The following COL9A2 variants were observed in gnomAD, a reference collection of about 807,000 sequenced individuals.
COL9A2 encodes collagen type IX alpha 2 chain, also known as collagen alpha-2(IX) chain.
COL9A2 carries 66 observed loss-of-function variants against 111.6 expected under a neutral mutation model. The ratio of observed to expected loss-of-function variants is 0.59; its 90% CI spans 0.48 to 0.73. COL9A2 has a LOEUF of 0.73. Among genes scored for constraint, COL9A2 ranks in the 30% least tolerant of loss-of-function variants. The pLI, the probability that COL9A2 is intolerant of heterozygous loss-of-function variation, is 0.00. For missense variants in COL9A2, 881 were observed against 954.1 expected, an observed-to-expected ratio of 0.92 and a Z score of 1.01; for synonymous variants, 353 against 364.1, an observed-to-expected ratio of 0.97 and a Z score of 0.35.
chr1:40,312,150 G>C lies in COL9A2; in HGVS notation c.364-38C>G. On this transcript the variant is annotated intron_variant, in intron 7 of 31. Transcript: ENST00000372748. This position sits in a 1 kb window ranked among gnomAD's most constrained non-coding sequence, Gnocchi z 6.0. Reference sequence around the variant, plus strand: ...GAGTTGATGGTCAGGATGCCTCAGAGGGTCAGATACCCTGGGCACAAAGGT... The same window carrying C: ...GAGTTGATGGTCAGGATGCCTCAGACGGTCAGATACCCTGGGCACAAAGGT... The C allele has an allele frequency of 6.4e-7, 1 of 1,556,954 alleles. No individual in the cohort carries two copies. The highest frequency in any genetic ancestry group is 8.8e-7 in the Non-Finnish European group (1 of 1,140,308).
Position 40,302,804 on chromosome 1 carries a change from G to T in COL9A2, c.1609C>A (p.Leu537Met). 2 of 815,582 alleles carry T rather than the reference G, an allele frequency of 2.5e-6. No homozygotes were observed. The highest frequency in any genetic ancestry group is 3.7e-6 in the Non-Finnish European group (2 of 542,448). 50.5% of individuals were successfully genotyped at this position (815,582 alleles called of 1,614,324 possible). The change falls in exon 30 of 32, where the codon CTG becomes ATG. Residue 537 changes from leucine (L) to methionine (M), a missense_variant. Transcript: ENST00000372748. The surrounding 1 kb of genome is among the most constrained non-coding windows in gnomAD (Gnocchi z 4.5). ...TTGGCACTCACGGCGACCTCTGCCAGTTGCTCTGGAGGGAGGGAGGGAGGG... is the reference window on the plus strand; with the variant it reads ...TTGGCACTCACGGCGACCTCTGCCATTTGCTCTGGAGGGAGGGAGGGAGGG... ...DVALKMLQEQ[L>M]AEVAVSAKRE... is the part of the protein sequence containing the mutation.
chr1:40,310,834 G>GA lies in COL9A2; in HGVS notation c.631-68dup. The GA allele has an allele frequency of 7.5e-7, 1 of 1,333,230 alleles. No individual in the cohort carries two copies. Among genetic ancestry groups the GA allele is most frequent in the Non-Finnish European group, 1.1e-6 (1 of 949,034 alleles). 82.6% of individuals were successfully genotyped at this position (1,333,230 alleles called of 1,614,324 possible). On this transcript the variant is annotated intron_variant, in intron 12 of 31. Coordinates refer to ENST00000372748, the MANE Select transcript of COL9A2 (RefSeq NM_001852.4). This position sits in a 1 kb window ranked among gnomAD's most constrained non-coding sequence, Gnocchi z 4.9. ...AAAGACACATATACAGACAAGCAAA[G>GA]ATACCACCTCTTTTCCCCAGCACAA...
In COL9A2 at chr1:40,307,454, C is replaced by T; in HGVS notation, c.1000G>A (p.Gly334Ser). Reference protein sequence around the residue: ...AGQPGSPGHQGLAGVPGQPGT... With the variant: ...AGQPGSPGHQSLAGVPGQPGT... ...CTCCACCTGACACTTACCGCTAGGC[C>T]CTGGTGGCCTGGACTTCCGGGCTGT... The change falls in exon 19 of 32, where the codon GGC (glycine) becomes AGC (serine). Residue 334 changes from glycine (G) to serine (S), a missense_variant. Physicochemically the swap from Gly to Ser is moderately conservative, Grantham distance 56 (BLOSUM62 0). Coordinates refer to ENST00000372748, the MANE Select transcript of COL9A2 (RefSeq NM_001852.4). This position sits in a 1 kb window ranked among gnomAD's most constrained non-coding sequence, Gnocchi z 4.8. 1.2e-6 allele frequency: 2 copies of T among 1,614,054 alleles called. No homozygotes were observed. The highest frequency in any genetic ancestry group is 1.3e-5 in the African/African-American group (1 of 75,056).
Position 40,301,349 on chromosome 1 carries a change from C to G in COL9A2, c.1903G>C (p.Gly635Arg), listed in dbSNP as rs768840439. 3 of 1,608,962 alleles carry G rather than the reference C, an allele frequency of 1.9e-6. No homozygotes were observed. The highest frequency in any genetic ancestry group is 3.4e-5 in the Admixed American group (2 of 59,466). The change falls in exon 32 of 32, where the codon GGC becomes CGC. Residue 635 changes from glycine to arginine, a missense_variant. By Grantham distance (125) the Gly-to-Arg change is moderately radical (BLOSUM62 -2). Transcript: ENST00000372748. Reference protein sequence around the residue: ...LPGRPGQAINGKDGDRGSPGA... With the variant: ...LPGRPGQAINRKDGDRGSPGA... ...GGGGACCCTCGATCTCCATCCTTGCCGTTGATTGCCTGGCCAGGCCGGCCA... is the reference window on the plus strand; with the variant it reads ...GGGGACCCTCGATCTCCATCCTTGCGGTTGATTGCCTGGCCAGGCCGGCCA...
Position 40,310,880 on chromosome 1 carries a change from C to T in COL9A2, c.631-113G>A, listed in dbSNP as rs969725720. 5.6e-6 allele frequency: 6 copies of T among 1,065,454 alleles called. No individual in the cohort carries two copies. The highest frequency in any genetic ancestry group is 2.6e-5 in the East Asian group (1 of 38,788). The allele number at this position is 1,065,454 out of a possible 1,614,324, so 66.0% of individuals were successfully genotyped here. The stretch of plus-strand genomic sequence containing the variant: ...CACAAGCAGACGGGAGGGACTACTA[C>T]GAACCCTACAGTCCTGTGTTACAGA... On this transcript the variant is annotated intron_variant, in intron 12 of 31. Coordinates refer to ENST00000372748, the MANE Select transcript of COL9A2 (RefSeq NM_001852.4). This position sits in a 1 kb window ranked among gnomAD's most constrained non-coding sequence, Gnocchi z 4.9.
Position 40,301,116 on chromosome 1 carries a change from G to A in COL9A2, c.*66C>T. The A allele has an allele frequency of 2.6e-6, 4 of 1,532,454 alleles. No individual in the cohort carries two copies. Among genetic ancestry groups the A allele is most frequent in the Non-Finnish European group, 3.6e-6 (4 of 1,109,788 alleles). 94.9% of individuals were successfully genotyped at this position (1,532,454 alleles called of 1,614,324 possible). A position where few individuals can be genotyped will look rare whatever the true frequency, so the allele number is the denominator to read the frequency against. On this transcript the variant is annotated 3_prime_UTR_variant, in exon 32 of 32. Coordinates refer to ENST00000372748, the MANE Select transcript of COL9A2 (RefSeq NM_001852.4). ...TTTCCTGGACTGGGGATGGGTGCAT[G>A]TCCACCCAGAGGGGACCTGGTCCTT...
Position 40,317,169 on chromosome 1 carries a change from C to A in COL9A2, c.29G>T (p.Ser10Ile), listed in dbSNP as rs1172699869. The change falls in exon 1 of 32, where the codon AGC becomes ATC. Residue 10 changes from serine to isoleucine, a missense_variant. Coordinates refer to ENST00000372748, the MANE Select transcript of COL9A2 (RefSeq NM_001852.4). This position sits in a 1 kb window ranked among gnomAD's most constrained non-coding sequence, Gnocchi z 4.3. The part of the protein sequence containing the change: MAAATASPR[S>I]LLVLLQVVVL... Reference sequence around the variant, plus strand: ...TACCACCTGGAGGAGAACAAGGAGGCTGCGGGGGGAGGCCGTAGCGGCGGC... The same window carrying A: ...TACCACCTGGAGGAGAACAAGGAGGATGCGGGGGGAGGCCGTAGCGGCGGC... 2 of 1,589,310 alleles carry A rather than the reference C, an allele frequency of 1.3e-6. No individual in the cohort carries two copies. The highest frequency in any genetic ancestry group is 1.7e-6 in the Non-Finnish European group (2 of 1,168,194).
At chr1:40,306,060 A>T in intron 20 of COL9A2, 83 bp downstream of exon 20, 1 of 1,526,094 alleles carries the variant, frequency 6.6e-7, no homozygotes, top group African/African-American at 1.4e-5. Flanking sequence ...AGCCTCTGAG[A>T]CTTGGCTGAG....
rs150075912 is a variant in COL9A2, at chr1:40,307,447, G to T, written c.1007C>A (p.Ala336Glu). Residue 336 changes from alanine (A) to glutamate (E), a missense_variant and splice_region_variant, in exon 19 of 32, where the codon GCG (alanine) becomes GAG (glutamate). By Grantham distance (107) the Ala-to-Glu change is moderately radical. Transcript: ENST00000372748. The surrounding 1 kb of genome is among the most constrained non-coding windows in gnomAD (Gnocchi z 4.8). Reference sequence around the variant, plus strand: ...CCTGTGGCTCCACCTGACACTTACCGCTAGGCCCTGGTGGCCTGGACTTCC... The same window carrying T: ...CCTGTGGCTCCACCTGACACTTACCTCTAGGCCCTGGTGGCCTGGACTTCC... ...QPGSPGHQGL[A>E]GVPGQPGTKG... is the part of the protein sequence containing the mutation. The T allele has an allele frequency of 4.4e-4, 715 of 1,613,872 alleles. 5 individuals carry two copies. In the African/African-American group the frequency reaches 8.1e-3, roughly 18 times the overall value.
chr1:40,311,397 C>T lies in COL9A2; in HGVS notation c.519+103G>A, dbSNP rs974743362. On this transcript the variant is annotated intron_variant, in intron 10 of 31. Transcript: ENST00000372748. This position sits in a 1 kb window ranked among gnomAD's most constrained non-coding sequence, Gnocchi z 5.1. ...ACCTGGTGGAACCCCTGCACTGCAG[C>T]CCCTCCCCATCTCTCCAGACACCCC... The T allele has an allele frequency of 3.8e-6, 6 of 1,574,440 alleles. No homozygotes were observed. The highest frequency in any genetic ancestry group is 5.2e-6 in the Non-Finnish European group (6 of 1,154,086).
rs1389944632 is a variant in COL9A2, at chr1:40,302,798, CTGCCAGT to C, written c.1608_1614del (p.Leu537ArgfsTer4). The C allele has an allele frequency of 4.3e-6, 5 of 1,152,236 alleles. No homozygotes were observed. Among genetic ancestry groups the C allele is most frequent in the Non-Finnish European group, 5.9e-6 (5 of 850,922 alleles). The allele number at this position is 1,152,236 out of a possible 1,614,324, so 71.4% of individuals were successfully genotyped here. On this transcript the variant is annotated frameshift_variant, in exon 30 of 32. Coordinates refer to ENST00000372748, the MANE Select transcript of COL9A2 (RefSeq NM_001852.4). LOFTEE classifies it high-confidence loss of function. This position sits in a 1 kb window ranked among gnomAD's most constrained non-coding sequence, Gnocchi z 4.5. Reference sequence around the variant, plus strand: ...TCCCGCTTGGCACTCACGGCGACCTCTGCCAGTTGCTCTGGAGGGAGGGAGGGAGGGA... The same window carrying C: ...TCCCGCTTGGCACTCACGGCGACCTCTGCTCTGGAGGGAGGGAGGGAGGGA...
chr1:40,315,307 G>C, intron 2 of COL9A2: 1 of 1,272,760 alleles, frequency 7.9e-7, no homozygotes, highest in East Asian at 3.5e-5. Context: ...ACAAGGAGGG[G>C]AAAGGAGAGG....
At position 40,309,973 on chromosome 1, in the gene COL9A2, C is replaced by T. The variant is rs1358258501; in HGVS notation, c.811G>A (p.Gly271Arg). ...TTCTCCCCAGCTCGGCCTGGCGGTCCCCTAGGACCTTCCTCACCCTGGCAA... is the reference window on the plus strand; with the variant it reads ...TTCTCCCCAGCTCGGCCTGGCGGTCTCCTAGGACCTTCCTCACCCTGGCAA... The part of the protein sequence containing the change: ...TGPPGEEGPR[G>R]PPGRAGEKGD... The change falls in exon 16 of 32, where the codon GGA becomes AGA. Residue 271 changes from glycine to arginine, a missense_variant. By Grantham distance (125) the Gly-to-Arg change is moderately radical (BLOSUM62 -2). Transcript: ENST00000372748. 9 of 1,614,106 alleles carry T rather than the reference C, an allele frequency of 5.6e-6. No individual in the cohort carries two copies. The highest frequency in any genetic ancestry group is 7.6e-6 in the Non-Finnish European group (9 of 1,180,036).
rs751952098 is a variant in COL9A2 at position 40,312,614 on chromosome 1, A to G, written c.304-5T>C. The G allele has an allele frequency of 6.2e-7, 1 of 1,613,962 alleles. No individual in the cohort carries two copies. Among genetic ancestry groups the G allele is most frequent in the South Asian group, 1.1e-5 (1 of 91,022 alleles). On this transcript the variant is annotated splice_region_variant and splice_polypyrimidine_tract_variant and intron_variant, in intron 5 of 31. Coordinates refer to ENST00000372748, the MANE Select transcript of COL9A2 (RefSeq NM_001852.4). The surrounding 1 kb of genome is among the most constrained non-coding windows in gnomAD (Gnocchi z 6.0). ...ACCAGGAAGCCCGGGCTGGCCCTGC[A>G]GAAGCAACGAGAAAGGCTCAGAGGC...
rs1643999474 is a variant in COL9A2 at position 40,304,861 on chromosome 1, A to G, written c.1108-14T>C. 6.5e-7 allele frequency: 1 copy of G among 1,548,896 alleles called. No homozygotes were observed. The highest frequency in any genetic ancestry group is 1.2e-5 in the South Asian group (1 of 84,024). On this transcript the variant is annotated splice_polypyrimidine_tract_variant and intron_variant, in intron 21 of 31. Transcript: ENST00000372748. ...CCCTGGCTCTCCCTGGAGGAAGGAG[A>G]AATTGGGGCTAAGCGTTTGACCTGG...
intron 1 of COL9A2, chr1:40,315,880 G>T (rs2124108228): frequency 2.2e-6 from 1 of 459,378 alleles, no homozygotes; most frequent in East Asian, 3.4e-5. Flanking sequence ...CGCTATTACG[G>T]GCCCCAGTTT....
At chr1:40,308,524 C>A (rs527952447) in intron 16 of COL9A2, among the ~76,000 whole-genome samples, 1 of 152,364 alleles carries the variant, frequency 6.6e-6, no homozygotes, top group East Asian at 1.9e-4. Context: ...GCCCCACAAT[C>A]CACTCAGCCA....
At position 40,300,936 on chromosome 1, in the gene COL9A2, ATTCC is replaced by A. The variant is rs890843821; in HGVS notation, c.*242_*245del. ...TGCTCGCTGGAAGGAAAGCCGCCCT[ATTCC>A]TTCAGCGCTTCGACTCCATCGACAC... On this transcript the variant is annotated 3_prime_UTR_variant, in exon 32 of 32. Coordinates refer to ENST00000372748, the MANE Select transcript of COL9A2 (RefSeq NM_001852.4). This position sits in a 1 kb window ranked among gnomAD's most constrained non-coding sequence, Gnocchi z 4.4. The A allele has an allele frequency of 1.0e-4, 52 of 514,648 alleles. No individual in the cohort carries two copies. Among genetic ancestry groups the A allele is most frequent in the Non-Finnish European group, 1.4e-4 (41 of 285,992 alleles). 31.9% of individuals were successfully genotyped at this position (514,648 alleles called of 1,614,324 possible).
Position 40,304,456 on chromosome 1 carries a change from C to T in COL9A2, c.1215+20G>A. The T allele has an allele frequency of 3.1e-6, 5 of 1,614,124 alleles. No homozygotes were observed. The highest frequency in any genetic ancestry group is 4.2e-6 in the Non-Finnish European group (5 of 1,179,994). ...GGCCTGGATATGACGCCCTGCCCAC[C>T]TTAGCTGGCCTGCACTCACCTGCCT... On this transcript the variant is annotated intron_variant, in intron 23 of 31. Transcript: ENST00000372748.
Sources: allele counts gnomAD v4.1 joint callset (sites outside exome capture counted in the v4.1 genomes callset), GRCh38; gene constraint gnomAD v4.1.1; non-coding constraint Gnocchi (gnomAD v3.1); transcripts MANE v1.5; gene names NCBI Gene and HGNC (gene_info 2026-07-23, HGNC 2026-07-21).